UIMC1: variants seen among roughly 807,000 people sequenced by gnomAD.
The protein encoded by UIMC1 is ubiquitin interaction motif containing 1.
In UIMC1, 42 loss-of-function variants were observed where a neutral mutation model predicts 84.9. The ratio of observed to expected loss-of-function variants is 0.49; its 90% CI spans 0.39 to 0.64. UIMC1 has a LOEUF of 0.64. Among genes scored for constraint, UIMC1 ranks in the 30% least tolerant of loss-of-function variants. UIMC1 has a pLI of 0.00. For synonymous variants in UIMC1, 281 were observed against 293.0 expected (o/e 0.96, Z 0.42); for missense variants, 825 against 847.6 (o/e 0.97, Z 0.33).
chr5:176,931,925 A>G (rs1763132919), intron 10 of UIMC1, among the ~76,000 whole-genome samples: 3 of 152,200 alleles, frequency 2.0e-5, no homozygotes, highest in Admixed American at 2.0e-4. Flanking sequence ...GTGAGCCGAG[A>G]TCGCACCAAT....
chr5:176,906,085 G>C, intron 13 of UIMC1, 38 bp from the exon 14 acceptor site: 1 of 1,600,186 alleles, frequency 6.2e-7, no homozygotes, highest in South Asian at 1.1e-5. Flanking sequence ...GTTGGTAGTA[G>C]TGTTGGTAAT....
chr5:177,002,819 A>T (rs1400002984), intron 1 of UIMC1, among the ~76,000 whole-genome samples: 1 of 150,632 alleles, frequency 6.6e-6, no homozygotes, highest in Non-Finnish European at 1.5e-5. Flanking sequence ...ATAATAATAA[A>T]TATTTGATGA....
intron 2 of UIMC1, among the ~76,000 whole-genome samples, chr5:176,982,131 A>G (rs79124688): frequency 1.5e-3 from 229 of 152,330 alleles, no homozygotes; most frequent in African/African-American, 5.2e-3. Flanking sequence ...GAACATATCA[A>G]GAGACTTAAG....
At chr5:177,006,013 A>G (rs1775209165) in intron 1 of UIMC1, among the ~76,000 whole-genome samples, 1 of 152,130 alleles carries the variant, frequency 6.6e-6, no homozygotes, top group South Asian at 2.1e-4. Flanking sequence ...GCTGGGGGTT[A>G]TTTTCGGGGC....
chr5:176,929,111 CA>C (rs1356381944), intron 10 of UIMC1, among the ~76,000 whole-genome samples: 1 of 148,928 alleles, frequency 6.7e-6, no homozygotes, highest in Non-Finnish European at 1.5e-5. Context: ...AAAAATTAGC[CA>C]GGGGTGGTGG....
chr5:176,967,491 G>C (rs1240315446), intron 6 of UIMC1, among the ~76,000 whole-genome samples: 1 of 152,128 alleles, frequency 6.6e-6, no homozygotes, highest in South Asian at 2.1e-4. Flanking sequence ...AGTCCAGAGA[G>C]GGGAACTGGC....
intron 1 of UIMC1, among the ~76,000 whole-genome samples, chr5:176,987,759 G>A (rs1360507274): frequency 6.6e-6 from 1 of 152,114 alleles, no homozygotes; most frequent in African/African-American, 2.4e-5. Flanking sequence ...AGGAGGTTGA[G>A]GCTGCAGTAA....
chr5:176,955,961 G>T lies in UIMC1; in HGVS notation c.1337C>A (p.Pro446His), dbSNP rs774857484. 1.2e-6 allele frequency: 2 copies of T among 1,613,516 alleles called. No individual in the cohort carries two copies. Among genetic ancestry groups the T allele is most frequent in the African/African-American group, 2.7e-5 (2 of 74,908 alleles). ...ESSAEEITVC[P>H]ETQLSSSETF... Reference sequence around the variant, plus strand: ...TAAAATCACAGTGGGGTACTTACCAGGACAAACAGTGATTTCTTCTGCAGA... The same window carrying T: ...TAAAATCACAGTGGGGTACTTACCATGACAAACAGTGATTTCTTCTGCAGA... Residue 446 changes from proline (P) to histidine (H), a missense_variant and splice_region_variant, in exon 8 of 15, where the codon CCT (proline) becomes CAT (histidine). Transcript: ENST00000511320.
At chr5:176,932,741 C>T (rs1323160409) in intron 10 of UIMC1, among the ~76,000 whole-genome samples, 1 of 152,172 alleles carries the variant, frequency 6.6e-6, no homozygotes, top group Non-Finnish European at 1.5e-5. Flanking sequence ...GGAGATACAT[C>T]CCAGTTCCTT....
At chr5:176,984,358 G>T (rs1771615162) in intron 1 of UIMC1, among the ~76,000 whole-genome samples, 2 of 132,640 alleles carry the variant, frequency 1.5e-5, no homozygotes, top group South Asian at 5.1e-4. Context: ...AGTGAGGAGT[G>T]CCTCTGCCCG....
At chr5:176,914,037 T>TACCATACC (rs1554106262) in intron 10 of UIMC1, among the ~76,000 whole-genome samples, 7 of 78,046 alleles carry the variant, frequency 9.0e-5, no homozygotes, top group Middle Eastern at 7.2e-3. Context: ...TACCATACCA[T>TACCATACC]ACACCATACC....
intron 9 of UIMC1, among the ~76,000 whole-genome samples, chr5:176,945,551 C>T (rs1202380674): frequency 6.6e-6 from 1 of 152,178 alleles, no homozygotes; most frequent in Non-Finnish European, 1.5e-5. Context: ...TATGAATGGA[C>T]GTGCAGTCAG....
chr5:177,016,059 T>C (rs1775661305), intron 1 of UIMC1, among the ~76,000 whole-genome samples: 1 of 150,708 alleles, frequency 6.6e-6, no homozygotes, highest in East Asian at 2.0e-4. Flanking sequence ...AGAAGAAGAC[T>C]CCATCTCAAA....
At chr5:176,947,450 C>T (rs918891979) in intron 9 of UIMC1, among the ~76,000 whole-genome samples, 5 of 152,296 alleles carry the variant, frequency 3.3e-5, no homozygotes, top group South Asian at 2.1e-4. Flanking sequence ...CACCCATTAA[C>T]TCATCATTTA....
At chr5:176,970,437 G>T in intron 4 of UIMC1, 1 of 391,612 alleles carries the variant, frequency 2.6e-6, no homozygotes, top group Non-Finnish European at 4.8e-6. Context: ...ATCTTATCTT[G>T]CTGCCTTCTG....
At chr5:176,933,946 A>G (rs540441487) in intron 10 of UIMC1, among the ~76,000 whole-genome samples, 3 of 152,168 alleles carry the variant, frequency 2.0e-5, no homozygotes, top group Non-Finnish European at 4.4e-5. Flanking sequence ...CACCAATCAG[A>G]TTTAATACCT....
chr5:176,968,526 T>TC, intron 6 of UIMC1, 29 bp downstream of exon 6: 1 of 1,551,264 alleles, frequency 6.4e-7, no homozygotes, highest in Non-Finnish European at 8.7e-7. Context: ...GAATAAATCA[T>TC]CCTTAATTAC....
In UIMC1 at chr5:176,970,841, A is replaced by G; in HGVS notation, c.258T>C (p.Ala86=). ...IAQMTEEEQF[A]LALKMSEQEA... ...CCTGCTCACTCATTTTGAGAGCCAG[A>G]GCAAACTGTTCTTCTTCTGTCATCT... is the stretch of plus-strand genomic sequence containing the variant. Residue 86 remains alanine (A), a synonymous_variant, in exon 4 of 15, where the codon GCT becomes GCC. Transcript: ENST00000511320. 1 of 1,614,068 alleles carries G rather than the reference A, an allele frequency of 6.2e-7. No individual in the cohort carries two copies. The highest frequency in any genetic ancestry group is 8.5e-7 in the Non-Finnish European group (1 of 1,180,028).
At chr5:176,946,456 G>A (rs931644898) in intron 9 of UIMC1, among the ~76,000 whole-genome samples, 1 of 152,030 alleles carries the variant, frequency 6.6e-6, no homozygotes, top group Non-Finnish European at 1.5e-5. Context: ...AGGCTGCAGT[G>A]AGCCGAGATC....
Sources: allele counts gnomAD v4.1 joint callset (sites outside exome capture counted in the v4.1 genomes callset), GRCh38; gene constraint gnomAD v4.1.1; transcripts MANE v1.5; gene names NCBI Gene and HGNC (gene_info 2026-07-23, HGNC 2026-07-21).